GRB2: variants seen among roughly 807,000 people sequenced by gnomAD.
The protein encoded by GRB2 is growth factor receptor bound protein 2, also known as growth factor receptor-bound protein 2.
Under a neutral mutation model 27.4 loss-of-function variants are expected in GRB2, and 2 were observed. That is an observed-to-expected ratio of 0.07 (90% CI 0.03 to 0.23). The LOEUF (loss-of-function observed/expected upper bound fraction) is 0.23, where lower values mean the gene tolerates loss of function less well. GRB2 is among the 10% of genes least tolerant of loss of function. The probability of loss-of-function intolerance (pLI) is 1.00; values close to 1 mark genes in which losing one functional copy is unlikely to be tolerated. For synonymous variants in GRB2, 94 were observed against 99.6 expected, an observed-to-expected ratio of 0.94 and a Z score of 0.33; for missense variants, 102 against 282.4, an observed-to-expected ratio of 0.36 and a Z score of 4.58.
intron 2 of GRB2, among the ~76,000 whole-genome samples, chr17:75,385,866 C>A (rs954843490): frequency 6.6e-6 from 1 of 152,206 alleles, no homozygotes; most frequent in African/African-American, 2.4e-5. Flanking sequence ...AACGTTAACA[C>A]CTTCATTGCC....
chr17:75,382,784 C>T (rs2145864169), intron 2 of GRB2, among the ~76,000 whole-genome samples: 1 of 152,300 alleles, frequency 6.6e-6, no homozygotes, highest in East Asian at 1.9e-4. Context: ...TCTGGGATCA[C>T]TGCAAGCTCA....
rs118181470 is a variant in GRB2, at chr17:75,385,232, C to A, written c.78+8319G>T. ...TCCCAGCCTGGGTGACAGAGCAAGA[C>A]CCTGTTTCAAAAATGAAAATAAGGC... On this transcript the variant is annotated intron_variant, in intron 2 of 5. Coordinates refer to ENST00000316804, the MANE Select transcript of GRB2 (RefSeq NM_002086.5). Among the ~76,000 whole-genome samples the A allele has an allele frequency of 1.9e-3, 292 of 151,926 alleles. 2 individuals carry two copies. The South Asian group carries it at 0.022, about 11-fold the overall frequency.
chr17:75,364,621 C>T (rs1021906554), intron 2 of GRB2, among the ~76,000 whole-genome samples: 2 of 151,992 alleles, frequency 1.3e-5, no homozygotes, highest in African/African-American at 4.8e-5. Context: ...AATGGACCCC[C>T]AAAGATCATC....
intron 2 of GRB2, among the ~76,000 whole-genome samples, chr17:75,375,640 G>C (rs1240460492): frequency 6.6e-6 from 1 of 152,150 alleles, no homozygotes; most frequent in African/African-American, 2.4e-5. Flanking sequence ...CCAACACTTT[G>C]GGAGGCCGAG....
At chr17:75,328,584 G>A (rs552757588) in intron 3 of GRB2, among the ~76,000 whole-genome samples, 1 of 152,230 alleles carries the variant, frequency 6.6e-6, no homozygotes, top group South Asian at 2.1e-4. Context: ...AGAGGTTGCG[G>A]TGAGCCGAGA....
At chr17:75,355,434 TTA>T in intron 2 of GRB2, among the ~76,000 whole-genome samples, 1 of 152,062 alleles carries the variant, frequency 6.6e-6, no homozygotes, top group East Asian at 1.9e-4. Flanking sequence ...AAACATCTTG[TTA>T]TAAAAGCTTT....
intron 2 of GRB2, among the ~76,000 whole-genome samples, chr17:75,345,445 G>A (rs996773525): frequency 1.3e-5 from 2 of 152,276 alleles, no homozygotes; most frequent in South Asian, 2.1e-4. Flanking sequence ...AGCCACCTCA[G>A]AGGATGTTAT....
chr17:75,361,079 A>C (rs1382727635), intron 2 of GRB2, among the ~76,000 whole-genome samples: 1 of 152,190 alleles, frequency 6.6e-6, no homozygotes, highest in East Asian at 1.9e-4. Flanking sequence ...CCTAAAGTCA[A>C]ACTTTTAAAA....
intron 2 of GRB2, among the ~76,000 whole-genome samples, chr17:75,336,678 T>C (rs979979401): frequency 1.3e-5 from 2 of 152,214 alleles, no homozygotes; most frequent in Admixed American, 6.5e-5. Context: ...ACTTGGTGTT[T>C]AGTATGTTTT....
Position 75,321,750 on chromosome 17 carries a change from T to C in GRB2, c.377A>G (p.Asn126Ser), listed in dbSNP as rs147175500. The change falls in exon 5 of 6, where the codon AAT (asparagine) becomes AGT (serine). Residue 126 changes from asparagine to serine, a missense_variant. Asn to Ser is a conservative substitution (Grantham distance 46). Around this residue, in one of 3 missense-constraint regions of GRB2, gnomAD observed 57 missense variants for 152.9 expected, o/e 0.37. Coordinates refer to ENST00000316804, the MANE Select transcript of GRB2 (RefSeq NM_002086.5). ...GKYFLWVVKF[N>S]SLNELVDYHR... is the part of the protein sequence containing the mutation. ...ATAATCCACCAGCTCATTCAAAGAA[T>C]TGAACTTCACCACCCAGAGGAAGTA... 1.4e-5 allele frequency: 22 copies of C among 1,614,104 alleles called. No homozygotes were observed. Among genetic ancestry groups the C allele is most frequent in the Middle Eastern group, 1.7e-4 (1 of 6,060 alleles).
intron 2 of GRB2, among the ~76,000 whole-genome samples, chr17:75,377,523 A>G (rs2145860095): frequency 1.4e-5 from 2 of 142,454 alleles, no homozygotes; most frequent in South Asian, 2.4e-4. Context: ...GGGAGGCTGA[A>G]GTGGATGAAG....
At chr17:75,384,211 G>C (rs1024017221) in intron 2 of GRB2, among the ~76,000 whole-genome samples, 3 of 152,182 alleles carry the variant, frequency 2.0e-5, no homozygotes, top group Non-Finnish European at 4.4e-5. Flanking sequence ...CCTGAGCACA[G>C]TCACAGTGAA....
At chr17:75,339,888 C>A (rs919647428) in intron 2 of GRB2, among the ~76,000 whole-genome samples, 6 of 152,196 alleles carry the variant, frequency 3.9e-5, no homozygotes, top group African/African-American at 1.4e-4. Flanking sequence ...CTTGGCCTCC[C>A]AAAGTGCTGG....
At chr17:75,367,645 C>CA (rs1277794649) in intron 2 of GRB2, among the ~76,000 whole-genome samples, 6 of 152,202 alleles carry the variant, frequency 3.9e-5, no homozygotes, top group African/African-American at 1.4e-4. Flanking sequence ...CTTGATACAG[C>CA]AGTGGGCAAA....
rs147265365 is a variant in GRB2, at chr17:75,320,533, G to A, written c.489C>T (p.Ala163=). The change falls in exon 6 of 6, where the codon GCC becomes GCT. Residue 163 remains alanine (A), a synonymous_variant. Transcript: ENST00000316804. The surrounding 1 kb of genome is among the most constrained non-coding windows in gnomAD (Gnocchi z 4.3). The part of the protein sequence containing the change: ...QVPQQPTYVQ[A]LFDFDPQEDG... ...CCTCCTGGGGATCAAAGTCAAAGAGGGCCTGGACGTATGTCGGCTGCTGCA... is the reference window on the plus strand; with the variant it reads ...CCTCCTGGGGATCAAAGTCAAAGAGAGCCTGGACGTATGTCGGCTGCTGCA... 2 of 1,613,332 alleles carry A rather than the reference G, an allele frequency of 1.2e-6. No individual in the cohort carries two copies. The highest frequency in any genetic ancestry group is 1.7e-6 in the Non-Finnish European group (2 of 1,179,494).
intron 2 of GRB2, among the ~76,000 whole-genome samples, chr17:75,385,056 A>G (rs138457431): frequency 1.8e-4 from 10 of 55,456 alleles, no homozygotes; most frequent in South Asian, 7.9e-4. Context: ...AAAAAAAAAA[A>G]AAGCAAACAA....
Position 75,393,712 on chromosome 17 carries a change from G to T in GRB2, c.-84C>A. On this transcript the variant is annotated 5_prime_UTR_variant, in exon 2 of 6. Transcript: ENST00000316804. ...GAAGCAACCCAGCGCTCTGGGCTTAGCCTCGCCTCTCTTCTGGGACTCGCT... is the reference window on the plus strand; with the variant it reads ...GAAGCAACCCAGCGCTCTGGGCTTATCCTCGCCTCTCTTCTGGGACTCGCT... 9.5e-7 allele frequency: 1 copy of T among 1,050,734 alleles called. No individual in the cohort carries two copies. Among genetic ancestry groups the T allele is most frequent in the Non-Finnish European group, 1.5e-6 (1 of 678,722 alleles). 65.1% of individuals were successfully genotyped at this position (1,050,734 alleles called of 1,614,324 possible).
intron 2 of GRB2, among the ~76,000 whole-genome samples, chr17:75,377,066 G>A (rs147942841): frequency 3.1e-4 from 47 of 151,612 alleles, no homozygotes; most frequent in African/African-American, 8.2e-4. Context: ...TCTATAATCC[G>A]AGCTACTTGG....
At chr17:75,352,812 T>C (rs184256345) in intron 2 of GRB2, among the ~76,000 whole-genome samples, 1 of 152,166 alleles carries the variant, frequency 6.6e-6, no homozygotes, top group East Asian at 1.9e-4. Context: ...TTTCCAGTTT[T>C]CTCTAGTTGA....
Sources: gnomAD v4.1 joint callset for allele counts (sites outside exome capture counted in the v4.1 genomes callset) on GRCh38, gnomAD v4.1.1 for gene constraint, gnomAD v4.1.1 regional missense constraint, Gnocchi (gnomAD v3.1) non-coding constraint, MANE v1.5 for transcripts, NCBI Gene and HGNC (gene_info 2026-07-23, HGNC 2026-07-21) for gene names.